Variants in FSTL4 observed in about 807,000 individuals in gnomAD.
The protein encoded by FSTL4 is follistatin like 4, also known as follistatin-related protein 4.
FSTL4 carries 28 observed loss-of-function variants against 78.2 expected under a neutral mutation model. That is an observed-to-expected ratio of 0.36 (90% CI 0.27 to 0.49). The LOEUF (loss-of-function observed/expected upper bound fraction) is 0.49. Ranked by LOEUF, FSTL4 falls within the 20% of genes least tolerant of loss-of-function variation. The probability of loss-of-function intolerance (pLI) is 0.98; values close to 1 mark genes in which losing one functional copy is unlikely to be tolerated. For synonymous variants in FSTL4, 422 were observed against 440.5 expected (o/e 0.96, Z 0.53); for missense variants, 922 against 1,084.9 (o/e 0.85, Z 2.11).
intron 3 of FSTL4, among the ~76,000 whole-genome samples, chr5:133,491,405 T>C (rs1296714011): frequency 2.0e-5 from 3 of 150,942 alleles, no homozygotes; most frequent in Admixed American, 6.6e-5. Context: ...TTTTTTCTTT[T>C]TTTTTTTTTT....
Position 133,502,924 on chromosome 5 carries a change from A to C in FSTL4, c.160+64262T>G, listed in dbSNP as rs142042828. 2.8e-4 allele frequency among the ~76,000 whole-genome samples: 43 copies of C among 152,308 alleles called. No individual in the cohort carries two copies. In the East Asian group the frequency reaches 8.3e-3, roughly 29 times the overall value. ...TCTTTCGATTGATTTTAACTTTGTA[A>C]GTCCCTAAGCAGAGAACCTCATTAA... On this transcript the variant is annotated intron_variant, in intron 3 of 15. Coordinates refer to ENST00000265342, the MANE Select transcript of FSTL4 (RefSeq NM_015082.2).
the FSTL4 span, among the ~76,000 whole-genome samples, chr5:133,745,713 C>A: frequency 1.3e-5 from 2 of 152,368 alleles, no homozygotes; most frequent in South Asian, 4.1e-4. Context: ...CACAAACCAA[C>A]TTCCATTCCA....
chr5:133,775,359 T>C, the FSTL4 span, among the ~76,000 whole-genome samples: 1 of 152,186 alleles, frequency 6.6e-6, no homozygotes, highest in African/African-American at 2.4e-5. Flanking sequence ...CAGTAAGCCC[T>C]GGCAAAGACC....
intron 3 of FSTL4, among the ~76,000 whole-genome samples, chr5:133,551,965 A>G (rs142852138): frequency 6.6e-6 from 1 of 152,360 alleles, no homozygotes; most frequent in African/African-American, 2.4e-5. Context: ...CCTAGAGTGA[A>G]TATTTATAGA....
chr5:133,750,151 C>T, the FSTL4 span, among the ~76,000 whole-genome samples: 1 of 152,094 alleles, frequency 6.6e-6, no homozygotes, highest in East Asian at 1.9e-4. Context: ...GTGACCTTTT[C>T]ACAAAGTGGC....
chr5:133,653,674 C>G, the FSTL4 span, among the ~76,000 whole-genome samples: 1 of 152,196 alleles, frequency 6.6e-6, no homozygotes, highest in South Asian at 2.1e-4. Flanking sequence ...ACTGTCCATG[C>G]TGAGATTGAT....
chr5:133,241,373 CA>C (rs1005396295), intron 7 of FSTL4, among the ~76,000 whole-genome samples: 1 of 152,200 alleles, frequency 6.6e-6, no homozygotes, highest in Non-Finnish European at 1.5e-5. Flanking sequence ...CTCAAAAACT[CA>C]AATAGGGAAG....
At chr5:133,793,952 T>C in the FSTL4 span, among the ~76,000 whole-genome samples, 13,158 of 152,322 alleles carry the variant, frequency 0.086, 650 homozygotes, top group East Asian at 0.18. Context: ...CCCAGTTTCC[T>C]GGAGGAATTC....
intron 7 of FSTL4, chr5:133,244,295 C>T (rs4958083): frequency 0.23 from 34,705 of 152,108 alleles, 4,961 homozygotes; most frequent in East Asian, 0.48. Flanking sequence ...TCCTGGGGGC[C>T]GCCTGGCCCA....
chr5:133,627,161 T>C, the FSTL4 span, among the ~76,000 whole-genome samples: 3 of 149,746 alleles, frequency 2.0e-5, no homozygotes, highest in East Asian at 5.8e-4. Flanking sequence ...CTTTTTTTTT[T>C]TTTTTTTTTT....
At chr5:133,574,313 G>A (rs1760227093) in intron 2 of FSTL4, among the ~76,000 whole-genome samples, 2 of 152,150 alleles carry the variant, frequency 1.3e-5, no homozygotes, top group African/African-American at 4.8e-5. Context: ...AATAGTAAAT[G>A]TTTACAAGGA....
At chr5:133,800,025 C>T in the FSTL4 span, among the ~76,000 whole-genome samples, 34 of 139,198 alleles carry the variant, frequency 2.4e-4, 9 homozygotes, top group African/African-American at 5.5e-4. Context: ...CATCAGCACG[C>T]GGCGTCCCAG....
At chr5:133,612,958 C>T (rs868529171), upstream of FSTL4, among the ~76,000 whole-genome samples, 1 of 152,198 alleles carries the variant, frequency 6.6e-6, no homozygotes, top group Admixed American at 6.5e-5. The surrounding 1 kb of genome is among the most constrained non-coding windows in gnomAD (Gnocchi z 6.2). Flanking sequence ...TGGGTGAAAT[C>T]CCCCGCCGTT....
chr5:133,760,444 T>C, the FSTL4 span, among the ~76,000 whole-genome samples: 1 of 152,030 alleles, frequency 6.6e-6, no homozygotes, highest in African/African-American at 2.4e-5. Flanking sequence ...TGTAAGAAAA[T>C]GGTACCCCAG....
chr5:133,393,130 G>A (rs930197439), intron 4 of FSTL4, among the ~76,000 whole-genome samples: 4 of 152,140 alleles, frequency 2.6e-5, no homozygotes, highest in South Asian at 2.1e-4. Context: ...GCTGGACTAC[G>A]GGGCTATGAG....
intron 4 of FSTL4, among the ~76,000 whole-genome samples, chr5:133,382,446 C>A (rs558399759): frequency 6.6e-6 from 1 of 152,178 alleles, no homozygotes; most frequent in South Asian, 2.1e-4. Flanking sequence ...TCATCATTCC[C>A]TCCTCCTCCT....
At chr5:133,633,479 CT>C in the FSTL4 span, among the ~76,000 whole-genome samples, 1 of 151,992 alleles carries the variant, frequency 6.6e-6, no homozygotes, top group Non-Finnish European at 1.5e-5. Context: ...TTCTTTATAT[CT>C]TTTATTTCTT....
At chr5:133,215,515 GTC>G (rs1277259280) in intron 13 of FSTL4, among the ~76,000 whole-genome samples, 1 of 150,792 alleles carries the variant, frequency 6.6e-6, no homozygotes, top group Non-Finnish European at 1.5e-5. Context: ...CTTGCCCGAA[GTC>G]TCTTCTCTTC....
At chr5:133,745,677 G>A in the FSTL4 span, among the ~76,000 whole-genome samples, 1 of 152,146 alleles carries the variant, frequency 6.6e-6, no homozygotes, top group Non-Finnish European at 1.5e-5. Flanking sequence ...CTTTGCCCAG[G>A]GCCAGAGCTG....
Sources: allele counts gnomAD v4.1 joint callset (sites outside exome capture counted in the v4.1 genomes callset), GRCh38; gene constraint gnomAD v4.1.1; non-coding constraint Gnocchi (gnomAD v3.1); transcripts MANE v1.5; gene names NCBI Gene and HGNC (gene_info 2026-07-23, HGNC 2026-07-21).